Variants in RAB10 observed in about 807,000 individuals in gnomAD.
The protein encoded by RAB10 is RAB10, member RAS oncogene family.
RAB10 carries 5 observed loss-of-function variants against 25.7 expected under a neutral mutation model. That is an observed-to-expected ratio of 0.19 (90% confidence interval 0.10 to 0.41). The LOEUF (loss-of-function observed/expected upper bound fraction) is 0.41, where lower values mean the gene tolerates loss of function less well. Ranked by LOEUF, RAB10 falls within the 10% of genes least tolerant of loss-of-function variation. The pLI is 1.00. For synonymous variants in RAB10, 89 were observed against 86.4 expected, an observed-to-expected ratio of 1.03 and a Z score of -0.16; for missense variants, 103 against 245.8, an observed-to-expected ratio of 0.42 and a Z score of 3.89.
chr2:26,084,896 ATTATTT>A (rs1343508445), intron 1 of RAB10, among the ~76,000 whole-genome samples: 2 of 152,144 alleles, frequency 1.3e-5, no homozygotes, highest in Non-Finnish European at 2.9e-5. Context: ...TATAAGCCTG[ATTATTT>A]TTAATTTGTG....
intron 1 of RAB10, among the ~76,000 whole-genome samples, chr2:26,098,078 C>T (rs1667261459): frequency 6.9e-6 from 1 of 145,250 alleles, no homozygotes; most frequent in Admixed American, 6.8e-5. Flanking sequence ...TAAAAACTCA[C>T]TCTTTCTTCT....
chr2:26,103,928 T>TA (rs1395215870), intron 2 of RAB10, among the ~76,000 whole-genome samples: 1 of 152,246 alleles, frequency 6.6e-6, no homozygotes, highest in Non-Finnish European at 1.5e-5. Context: ...TCTTTTTTTT[T>TA]AATGGCTGAA....
chr2:26,047,047 G>C (rs1044904311), intron 1 of RAB10, among the ~76,000 whole-genome samples: 1 of 152,076 alleles, frequency 6.6e-6, no homozygotes, highest in African/African-American at 2.4e-5. Flanking sequence ...TTGACATCTG[G>C]TGTAGTACAC....
chr2:26,082,816 GA>G (rs1428158005), intron 1 of RAB10, among the ~76,000 whole-genome samples: 2 of 152,044 alleles, frequency 1.3e-5, no homozygotes, highest in South Asian at 2.1e-4. Context: ...TGAACATAGA[GA>G]TTTTTTTCAA....
At chr2:26,119,383 T>C (rs1475489687) in intron 3 of RAB10, among the ~76,000 whole-genome samples, 1 of 152,096 alleles carries the variant, frequency 6.6e-6, no homozygotes, top group Non-Finnish European at 1.5e-5. Context: ...CATTCCAGCC[T>C]GGGTGACACA....
At position 26,121,476 on chromosome 2, in the gene RAB10, A is replaced by T. The variant is rs116642984; in HGVS notation, c.328-5668A>T. 6.1e-3 allele frequency among the ~76,000 whole-genome samples: 924 copies of T among 152,232 alleles called. 11 individuals are homozygous for T. The highest frequency in any genetic ancestry group is 0.021 in the African/African-American group (889 of 41,546). On this transcript the variant is annotated intron_variant, in intron 3 of 5. Transcript: ENST00000264710. The stretch of plus-strand genomic sequence containing the variant: ...TGGGATTACAGGTGTGTGCCACCAC[A>T]CCCAGCTCTATAAACAGGTTTTTAA...
intron 3 of RAB10, among the ~76,000 whole-genome samples, chr2:26,125,849 T>C (rs2149289191): frequency 6.6e-6 from 1 of 152,322 alleles, no homozygotes; most frequent in Admixed American, 6.5e-5. Flanking sequence ...TAGCGTCCTT[T>C]GTTGCACAGT....
intron 3 of RAB10, among the ~76,000 whole-genome samples, chr2:26,124,281 A>G (rs1165582547): frequency 6.6e-6 from 1 of 150,732 alleles, no homozygotes. Context: ...TTAAATCAGC[A>G]TATTTTATAA....
intron 2 of RAB10, among the ~76,000 whole-genome samples, chr2:26,100,360 A>G (rs1418787407): frequency 3.3e-5 from 5 of 152,214 alleles, no homozygotes; most frequent in East Asian, 1.9e-4. Context: ...CTGACAGTCT[A>G]CTTAGTAAGA....
At position 26,135,022 on chromosome 2, in the gene RAB10, G is replaced by A; in HGVS notation, c.*1G>A. The A allele has an allele frequency of 6.2e-7, 1 of 1,609,360 alleles. No individual in the cohort carries two copies. The highest frequency in any genetic ancestry group is 8.5e-7 in the Non-Finnish European group (1 of 1,176,040). On this transcript the variant is annotated 3_prime_UTR_variant, in exon 6 of 6. Coordinates refer to ENST00000264710, the MANE Select transcript of RAB10 (RefSeq NM_016131.5). ...AGGCTGGAAGAGCAAATGCTGCTGA[G>A]CATTCTCCTGTTCCATCAGTTGCCA...
At chr2:26,046,335 A>G (rs916071981) in intron 1 of RAB10, among the ~76,000 whole-genome samples, 3 of 152,160 alleles carry the variant, frequency 2.0e-5, no homozygotes, top group African/African-American at 7.2e-5. Context: ...CAAAGAAAAA[A>G]AAAAAAGAAA....
chr2:26,040,488 C>T (rs1338608077), intron 1 of RAB10, among the ~76,000 whole-genome samples: 2 of 151,974 alleles, frequency 1.3e-5, no homozygotes, highest in African/African-American at 4.8e-5. Flanking sequence ...ACATAGACCC[C>T]ATCTCTGCAA....
chr2:26,040,493 C>G (rs1381687605), intron 1 of RAB10, among the ~76,000 whole-genome samples: 3 of 151,926 alleles, frequency 2.0e-5, no homozygotes, highest in African/African-American at 7.3e-5. Flanking sequence ...GACCCCATCT[C>G]TGCAAAAACA....
At chr2:26,052,979 A>T (rs908270662) in intron 1 of RAB10, among the ~76,000 whole-genome samples, 4 of 152,098 alleles carry the variant, frequency 2.6e-5, no homozygotes, top group Non-Finnish European at 5.9e-5. Flanking sequence ...TGGGCCTTGA[A>T]GTTGTAAGCT....
intron 3 of RAB10, among the ~76,000 whole-genome samples, chr2:26,117,494 A>T (rs1398955113): frequency 6.6e-6 from 1 of 152,042 alleles, no homozygotes; most frequent in Non-Finnish European, 1.5e-5. Flanking sequence ...GGGTGCCTGT[A>T]GTCCCAGCTA....
chr2:26,075,406 C>CT (rs1666711448), intron 1 of RAB10, among the ~76,000 whole-genome samples: 1 of 152,124 alleles, frequency 6.6e-6, no homozygotes, highest in Admixed American at 6.6e-5. Flanking sequence ...CCTCCTCCCT[C>CT]TTTGTTGGAA....
intron 1 of RAB10, among the ~76,000 whole-genome samples, chr2:26,095,375 AG>A (rs1398025363): frequency 6.6e-6 from 1 of 152,088 alleles, no homozygotes; most frequent in Non-Finnish European, 1.5e-5. Context: ...TAGGAGGCCA[AG>A]GTGGGCGGAT....
At chr2:26,086,014 AAAAG>A (rs1418235136) in intron 1 of RAB10, among the ~76,000 whole-genome samples, 19 of 139,436 alleles carry the variant, frequency 1.4e-4, no homozygotes, top group African/African-American at 4.4e-4. Flanking sequence ...AAAAAAAAAA[AAAAG>A]GGGGGGGGCA....
chr2:26,034,617 G>A lies in RAB10; in HGVS notation c.9G>A (p.Lys3=). The A allele has an allele frequency of 3.7e-6, 6 of 1,613,670 alleles. No homozygotes were observed. Among genetic ancestry groups the A allele is most frequent in the Non-Finnish European group, 5.1e-6 (6 of 1,180,042 alleles). Residue 3 remains lysine (K), a synonymous_variant, in exon 1 of 6, where the codon AAG becomes AAA. Coordinates refer to ENST00000264710, the MANE Select transcript of RAB10 (RefSeq NM_016131.5). MA[K]KTYDLLFKLL... is the part of the protein sequence containing the mutation. The stretch of plus-strand genomic sequence containing the variant: ...CCGAGCCGCTCCTCCCAATGGCGAA[G>A]AAGACGTACGACCTGCTTTTCAAGC...
Sources: allele counts gnomAD v4.1 joint callset (sites outside exome capture counted in the v4.1 genomes callset), GRCh38; gene constraint gnomAD v4.1.1; transcripts MANE v1.5; gene names NCBI Gene and HGNC (gene_info 2026-07-23, HGNC 2026-07-21).